TESPA1: variants seen among roughly 807,000 people sequenced by gnomAD.
TESPA1 encodes the protein protein TESPA1.
In TESPA1, 33 loss-of-function variants were observed where a neutral mutation model predicts 57.9. The observed-to-expected ratio is 0.57, with a 90% confidence interval of 0.43 to 0.76. TESPA1 has a LOEUF of 0.76. Among genes scored for constraint, TESPA1 ranks in the 30% least tolerant of loss-of-function variants. The pLI is 0.00. For missense variants in TESPA1, 618 were observed against 632.9 expected (o/e 0.98, Z 0.25); for synonymous variants, 227 against 228.9 (o/e 0.99, Z 0.07).
chr12:54,975,546 T>G (rs912296654), intron 1 of TESPA1, among the ~76,000 whole-genome samples: 5 of 152,054 alleles, frequency 3.3e-5, no homozygotes, highest in African/African-American at 1.2e-4. Context: ...TCCTGCTGCC[T>G]CTCCCCAGCT....
In TESPA1 at chr12:54,955,216, C is replaced by T. The variant is rs143583159; in HGVS notation, c.*2-4826G>A. Reference sequence around the variant, plus strand: ...AATCTTTTGATATACCTGTTGTGCACTTGTATGTCTTCTTTCAATAAATGA... The same window carrying T: ...AATCTTTTGATATACCTGTTGTGCATTTGTATGTCTTCTTTCAATAAATGA... On this transcript the variant is annotated intron_variant, in intron 10 of 10. Transcript: ENST00000449076. Among the ~76,000 whole-genome samples the T allele has an allele frequency of 3.8e-3, 583 of 152,252 alleles. 5 individuals are homozygous for T. The highest frequency in any genetic ancestry group is 0.014 in the African/African-American group (562 of 41,554).
At position 54,974,407 on chromosome 12, in the gene TESPA1, G is replaced by C; in HGVS notation, c.156C>G (p.Phe52Leu). The change falls in exon 2 of 11, where the codon TTC becomes TTG. Residue 52 changes from phenylalanine to leucine, a missense_variant. Coordinates refer to ENST00000449076, the MANE Select transcript of TESPA1 (RefSeq NM_001136030.3). The part of the protein sequence containing the change: ...DPEPSSLDDV[F>L]QEGNPINKIE... ...CTGATGTTCGTCTCTTACCTTCTTGGAAAACGTCATCCAGGCTGGAAGGCT... is the reference window on the plus strand; with the variant it reads ...CTGATGTTCGTCTCTTACCTTCTTGCAAAACGTCATCCAGGCTGGAAGGCT... The C allele has an allele frequency of 1.2e-6, 2 of 1,604,320 alleles. No homozygotes were observed. The highest frequency in any genetic ancestry group is 1.7e-6 in the Non-Finnish European group (2 of 1,175,862).
intron 1 of TESPA1, among the ~76,000 whole-genome samples, chr12:54,979,466 C>A (rs1408765623): frequency 1.3e-5 from 2 of 152,196 alleles, no homozygotes; most frequent in African/African-American, 4.8e-5. Context: ...CCTCTGCTAC[C>A]ATTTCCAGCC....
chr12:54,967,521 C>T (rs559303039), intron 4 of TESPA1, among the ~76,000 whole-genome samples: 1 of 152,070 alleles, frequency 6.6e-6, no homozygotes, highest in South Asian at 2.1e-4. Flanking sequence ...AAACAGCAAA[C>T]ATATGGGGAT....
chr12:54,975,683 GAATAA>G (rs59729826), intron 1 of TESPA1, among the ~76,000 whole-genome samples: 3,365 of 148,600 alleles, frequency 0.023, 88 homozygotes, highest in African/African-American at 0.063. Context: ...TTAACTATTG[GAATAA>G]AATAAAATAA....
rs1163819072 is a variant in TESPA1 at position 54,974,557 on chromosome 12, C to T, written c.6G>A (p.Glu2=). The change falls in exon 2 of 11, where the codon GAG becomes GAA. Residue 2 remains glutamate (E), a synonymous_variant. Transcript: ENST00000449076. ...AGGATGTGGGGCTCAGCACAGAGGC[C>T]TCCATGGCCCTGGCTCAGACTTCAG... is the stretch of plus-strand genomic sequence containing the variant. M[E]ASVLSPTSWE... 1.3e-6 allele frequency: 2 copies of T among 1,578,872 alleles called. No individual in the cohort carries two copies. Among genetic ancestry groups the T allele is most frequent in the South Asian group, 1.2e-5 (1 of 85,896 alleles).
chr12:54,978,538 C>T (rs1952210473), intron 1 of TESPA1, among the ~76,000 whole-genome samples: 1 of 152,154 alleles, frequency 6.6e-6, no homozygotes, highest in African/African-American at 2.4e-5. Context: ...AGTTACTTCC[C>T]ATATACCAAA....
At chr12:54,955,363 G>A (rs533902041) in intron 10 of TESPA1, among the ~76,000 whole-genome samples, 1 of 152,182 alleles carries the variant, frequency 6.6e-6, no homozygotes, top group Admixed American at 6.5e-5. Flanking sequence ...ATCAAGGAGG[G>A]TAGCACCTGT....
intron 3 of TESPA1, among the ~76,000 whole-genome samples, chr12:54,968,576 A>G (rs557798600): frequency 2.0e-5 from 3 of 152,294 alleles, no homozygotes; most frequent in Admixed American, 6.5e-5. Flanking sequence ...AGGGCTTTGA[A>G]ATGTGATCAG....
chr12:54,962,310 A>G (rs1951127860), intron 9 of TESPA1, 121 bp downstream of exon 9: 1 of 1,151,886 alleles, frequency 8.7e-7, no homozygotes, highest in East Asian at 2.4e-5. Context: ...AGAAAGTGGT[A>G]TATCTGGCTA....
intron 3 of TESPA1, among the ~76,000 whole-genome samples, chr12:54,972,690 A>G (rs929059653): frequency 6.6e-6 from 1 of 152,254 alleles, no homozygotes; most frequent in Non-Finnish European, 1.5e-5. Flanking sequence ...CAGGTGAAAT[A>G]AACAACCTTG....
intron 7 of TESPA1, among the ~76,000 whole-genome samples, chr12:54,964,687 C>G (rs113376583): frequency 1.3e-5 from 2 of 152,222 alleles, no homozygotes; most frequent in Non-Finnish European, 2.9e-5. Flanking sequence ...AGAAAGTATG[C>G]TGGGCTTTTT....
At chr12:54,950,414 C>T (rs775580633) in intron 10 of TESPA1, 24 bp from the exon 11 acceptor site, 3 of 439,154 alleles carry the variant, frequency 6.8e-6, no homozygotes, top group South Asian at 1.6e-5. Flanking sequence ...AAAAAAGATA[C>T]ATATCATGCA....
intron 2 of TESPA1, 98 bp from the exon 3 acceptor site, chr12:54,973,617 T>G: frequency 1.3e-6 from 2 of 1,593,412 alleles, no homozygotes; most frequent in Admixed American, 1.7e-5. Context: ...TTACATAAGC[T>G]GCGTCATGAA....
intron 7 of TESPA1, among the ~76,000 whole-genome samples, chr12:54,964,454 T>G (rs1313471358): frequency 6.6e-6 from 1 of 152,224 alleles, no homozygotes; most frequent in African/African-American, 2.4e-5. Flanking sequence ...AACCTGATTT[T>G]GAGAGGTATG....
intron 10 of TESPA1, among the ~76,000 whole-genome samples, chr12:54,959,601 C>T (rs1024692162): frequency 6.6e-6 from 1 of 152,198 alleles, no homozygotes; most frequent in African/African-American, 2.4e-5. Flanking sequence ...GGTTCTCTAC[C>T]GTGGTTCTGA....
At chr12:54,980,055 T>G (rs149877271) in intron 1 of TESPA1, among the ~76,000 whole-genome samples, 1 of 152,296 alleles carries the variant, frequency 6.6e-6, no homozygotes, top group East Asian at 1.9e-4. Flanking sequence ...AAACTCAAGT[T>G]GGTCTGACTC....
chr12:54,951,477 CATTCT>C (rs1565813969), intron 10 of TESPA1, among the ~76,000 whole-genome samples: 1 of 152,198 alleles, frequency 6.6e-6, no homozygotes, highest in Non-Finnish European at 1.5e-5. Context: ...TAGCCTTTCC[CATTCT>C]ATTGATTCTT....
chr12:54,958,364 A>G (rs183659434), intron 10 of TESPA1, among the ~76,000 whole-genome samples: 1 of 152,314 alleles, frequency 6.6e-6, no homozygotes, highest in African/African-American at 2.4e-5. Flanking sequence ...GAGAAGTTGC[A>G]TGTAATTCTT....
Sources: allele counts gnomAD v4.1 joint callset (sites outside exome capture counted in the v4.1 genomes callset), GRCh38; gene constraint gnomAD v4.1.1; transcripts MANE v1.5; gene names NCBI Gene and HGNC (gene_info 2026-07-23, HGNC 2026-07-21).